Variants in RGL1 observed in about 807,000 individuals in gnomAD.
The protein encoded by RGL1 is ral guanine nucleotide dissociation stimulator like 1, also known as ral guanine nucleotide dissociation stimulator-like 1.
RGL1 carries 24 observed loss-of-function variants against 95.2 expected under a neutral mutation model. That is an observed-to-expected ratio of 0.25 (90% confidence interval 0.18 to 0.35). The LOEUF (loss-of-function observed/expected upper bound fraction) is 0.35, where lower values mean the gene tolerates loss of function less well. RGL1 is among the 10% of genes least tolerant of loss of function. RGL1 has a pLI of 1.00. For missense variants in RGL1, 715 were observed against 936.3 expected (o/e 0.76, Z 3.08); for synonymous variants, 329 against 344.9 (o/e 0.95, Z 0.51).
At chr1:183,722,816 A>G (rs1261889207) in intron 1 of RGL1, among the ~76,000 whole-genome samples, 2 of 152,232 alleles carry the variant, frequency 1.3e-5, no homozygotes, top group Non-Finnish European at 2.9e-5. Context: ...AAGGCTTGTT[A>G]AAGGAAGTTC....
intron 1 of RGL1, among the ~76,000 whole-genome samples, chr1:183,681,233 G>C (rs1358804877): frequency 6.6e-6 from 1 of 152,182 alleles, no homozygotes; most frequent in Non-Finnish European, 1.5e-5. Flanking sequence ...TGGTGAGAGA[G>C]GGCATCCTTG....
intron 2 of RGL1, among the ~76,000 whole-genome samples, chr1:183,781,484 A>G (rs1235613198): frequency 6.6e-6 from 1 of 152,146 alleles, no homozygotes; most frequent in Non-Finnish European, 1.5e-5. Flanking sequence ...AACCTAAACT[A>G]GGCCCCGGTT....
At chr1:183,848,712 T>G (rs1425986236) in intron 3 of RGL1, among the ~76,000 whole-genome samples, 1 of 152,146 alleles carries the variant, frequency 6.6e-6, no homozygotes. Flanking sequence ...TTTAAAAATA[T>G]TAGTAGTAAG....
At chr1:183,880,911 A>C in intron 5 of RGL1, 111 bp downstream of exon 5, 1 of 907,714 alleles carries the variant, frequency 1.1e-6, no homozygotes, top group Non-Finnish European at 1.6e-6. Flanking sequence ...TACCCTCAAA[A>C]CAACATGCTG....
rs764624326 is a variant in RGL1 at position 183,884,955 on chromosome 1, A to C, written c.951+17A>C. On this transcript the variant is annotated intron_variant, in intron 7 of 17. Transcript: ENST00000360851. ...ATCGCTCATGTAATTGTCTTTTATA[A>C]AATATTCTTTGTGTTTGGTAGATGC... 1 of 1,604,590 alleles carries C rather than the reference A, an allele frequency of 6.2e-7. No homozygotes were observed. Among genetic ancestry groups the C allele is most frequent in the Non-Finnish European group, 8.5e-7 (1 of 1,172,564 alleles).
At chr1:183,687,318 T>C (rs182401938) in intron 1 of RGL1, among the ~76,000 whole-genome samples, 5 of 152,338 alleles carry the variant, frequency 3.3e-5, no homozygotes, top group African/African-American at 1.2e-4. Context: ...AGGTTTCGTG[T>C]TGAACCTGTA....
chr1:183,763,132 C>T lies in RGL1; in HGVS notation c.132+20843C>T, dbSNP rs551448576. Among the ~76,000 whole-genome samples the T allele has an allele frequency of 9.9e-5, 15 of 152,236 alleles. No individual in the cohort carries two copies. The South Asian group carries it at 1.4e-3, about 15-fold the overall frequency. On this transcript the variant is annotated intron_variant, in intron 2 of 18. Coordinates refer to the RGL1 transcript ENST00000304685. ...GAAGCCATCATTCTAAGCAAACTAACACAAGAACAGAAAACCAGACACCAC... is the reference window on the plus strand; with the variant it reads ...GAAGCCATCATTCTAAGCAAACTAATACAAGAACAGAAAACCAGACACCAC...
At chr1:183,922,489 G>T (rs1669368242) in intron 17 of RGL1, among the ~76,000 whole-genome samples, 153 bp downstream of exon 17, 1 of 152,224 alleles carries the variant, frequency 6.6e-6, no homozygotes, top group Non-Finnish European at 1.5e-5. Context: ...GAACAACCGT[G>T]CCATCACCTC....
intron 1 of RGL1, among the ~76,000 whole-genome samples, chr1:183,667,860 T>C (rs1652148551): frequency 6.6e-6 from 1 of 152,214 alleles, no homozygotes; most frequent in South Asian, 2.1e-4. Context: ...GTTTGTAATA[T>C]TCATTTATAA....
intron 1 of RGL1, among the ~76,000 whole-genome samples, chr1:183,645,930 C>T (rs1650261880): frequency 6.6e-6 from 1 of 152,234 alleles, no homozygotes. Flanking sequence ...AAGGCACTTT[C>T]TTTCCTATAG....
chr1:183,714,460 G>C (rs1252005288), intron 1 of RGL1, among the ~76,000 whole-genome samples: 1 of 152,192 alleles, frequency 6.6e-6, no homozygotes, highest in Non-Finnish European at 1.5e-5. Flanking sequence ...TCACTGAAAT[G>C]AGACTCACAC....
chr1:183,648,766 C>T, intron 1 of RGL1: 2 of 1,596,944 alleles, frequency 1.3e-6, no homozygotes, highest in Admixed American at 1.8e-5. Flanking sequence ...AGGTACTCCT[C>T]ATATATGGGC....
chr1:183,679,657 A>G (rs1653076307), intron 1 of RGL1, among the ~76,000 whole-genome samples: 1 of 152,146 alleles, frequency 6.6e-6, no homozygotes, highest in African/African-American at 2.4e-5. Flanking sequence ...GCTATTGTGA[A>G]CAGTGCTGCA....
At chr1:183,836,645 C>A (rs1045109056) in intron 2 of RGL1, among the ~76,000 whole-genome samples, 1 of 152,046 alleles carries the variant, frequency 6.6e-6, no homozygotes, top group African/African-American at 2.4e-5. Flanking sequence ...GGTTTGATCA[C>A]CTAATAACAT....
At position 183,883,677 on chromosome 1, in the gene RGL1, C is replaced by G; in HGVS notation, c.611-109C>G. 4 of 1,229,882 alleles carry G rather than the reference C, an allele frequency of 3.3e-6. No homozygotes were observed. In the South Asian group the frequency reaches 5.6e-5, roughly 17 times the overall value. The allele number at this position is 1,229,882 out of a possible 1,614,324, so 76.2% of individuals were successfully genotyped here. A position where few individuals can be genotyped will look rare whatever the true frequency, so the allele number is the denominator to read the frequency against. On this transcript the variant is annotated intron_variant, in intron 5 of 17. Coordinates refer to ENST00000360851, the MANE Select transcript of RGL1 (RefSeq NM_001297671.3). Reference sequence around the variant, plus strand: ...TTGTGGTTGTCTCCCTGTGGCTGTTCTGGAGGATTGGCCCTCTTCTTCCTA... The same window carrying G: ...TTGTGGTTGTCTCCCTGTGGCTGTTGTGGAGGATTGGCCCTCTTCTTCCTA...
At chr1:183,773,697 C>G (rs994920699) in intron 2 of RGL1, among the ~76,000 whole-genome samples, 3 of 152,220 alleles carry the variant, frequency 2.0e-5, no homozygotes, top group African/African-American at 7.2e-5. Flanking sequence ...ATGCAGGAGT[C>G]TTCCCACTCT....
At chr1:183,709,532 G>A (rs1389263125) in intron 1 of RGL1, 1 of 152,688 alleles carries the variant, frequency 6.5e-6, no homozygotes, top group East Asian at 1.9e-4. Context: ...TGGCTGCCTT[G>A]GAGTTCTTCC....
intron 2 of RGL1, among the ~76,000 whole-genome samples, chr1:183,810,401 A>G (rs1661629489): frequency 6.6e-6 from 1 of 152,208 alleles, no homozygotes; most frequent in South Asian, 2.1e-4. Flanking sequence ...GTGGTCATGC[A>G]GTCCTTGTGG....
At chr1:183,657,173 A>G (rs531006316) in intron 1 of RGL1, among the ~76,000 whole-genome samples, 2 of 152,320 alleles carry the variant, frequency 1.3e-5, no homozygotes, top group African/African-American at 4.8e-5. Flanking sequence ...TTTTAACAAT[A>G]TTAATTCTTC....
Sources: gnomAD v4.1 joint callset for allele counts (sites outside exome capture counted in the v4.1 genomes callset) on GRCh38, gnomAD v4.1.1 for gene constraint, MANE v1.5 for transcripts, NCBI Gene and HGNC (gene_info 2026-07-23, HGNC 2026-07-21) for gene names.